CCDC60: variants seen among roughly 807,000 people sequenced by gnomAD.
CCDC60 encodes coiled-coil domain-containing protein 60.
CCDC60 carries 54 observed loss-of-function variants against 63.5 expected under a neutral mutation model. The observed-to-expected ratio is 0.85, with a 90% CI of 0.68 to 1.07. The LOEUF (loss-of-function observed/expected upper bound fraction) is 1.07, where lower values mean the gene tolerates loss of function less well. Ranked by LOEUF, CCDC60 falls within the 50% of genes least tolerant of loss-of-function variation. The probability of loss-of-function intolerance (pLI) is 0.00; values close to 1 mark genes in which losing one functional copy is unlikely to be tolerated. For synonymous variants in CCDC60, 206 were observed against 238.8 expected (o/e 0.86, Z 1.27); for missense variants, 651 against 684.3 (o/e 0.95, Z 0.54).
At chr12:119,486,591 G>T (rs1033820716) in intron 4 of CCDC60, among the ~76,000 whole-genome samples, 1 of 152,184 alleles carries the variant, frequency 6.6e-6, no homozygotes, top group Non-Finnish European at 1.5e-5. Context: ...AGGAATAGTA[G>T]GCGCTTAGTA....
chr12:119,354,550 A>G (rs1168688934), intron 1 of CCDC60, among the ~76,000 whole-genome samples: 1 of 152,172 alleles, frequency 6.6e-6, no homozygotes, highest in Admixed American at 6.5e-5. Flanking sequence ...ATAAATCGCC[A>G]TTTTCTGAAG....
intron 2 of CCDC60, among the ~76,000 whole-genome samples, chr12:119,436,968 C>T (rs1224825157): frequency 6.6e-6 from 1 of 152,134 alleles, no homozygotes; most frequent in African/African-American, 2.4e-5. Flanking sequence ...CTTATGACTC[C>T]ATTATGTACT....
intron 2 of CCDC60, among the ~76,000 whole-genome samples, chr12:119,452,864 G>A (rs550182270): frequency 6.6e-5 from 10 of 151,784 alleles, no homozygotes; most frequent in East Asian, 1.9e-4. Context: ...ACTCTGTCAC[G>A]CAGGCTGGAG....
intron 2 of CCDC60, among the ~76,000 whole-genome samples, chr12:119,452,091 T>A (rs1467448938): frequency 6.6e-6 from 1 of 152,192 alleles, no homozygotes; most frequent in Non-Finnish European, 1.5e-5. Flanking sequence ...TTTCTAGAGA[T>A]TCGTTTAGCC....
chr12:119,367,890 A>G (rs1172096449), intron 1 of CCDC60, among the ~76,000 whole-genome samples: 2 of 148,552 alleles, frequency 1.3e-5, no homozygotes, highest in Admixed American at 1.4e-4. Flanking sequence ...TAATGGGGTA[A>G]TATATAAAGG....
At chr12:119,361,536 C>G (rs901501207) in intron 1 of CCDC60, among the ~76,000 whole-genome samples, 2 of 152,110 alleles carry the variant, frequency 1.3e-5, no homozygotes, top group African/African-American at 4.8e-5. Flanking sequence ...ATAAGCTTCT[C>G]TTTCTGTAAA....
chr12:119,399,291 C>G (rs1956344384), intron 1 of CCDC60, among the ~76,000 whole-genome samples: 1 of 152,128 alleles, frequency 6.6e-6, no homozygotes, highest in Non-Finnish European at 1.5e-5. Flanking sequence ...CACCCAGGAC[C>G]CAGATGGGCA....
At chr12:119,526,463 C>T (rs527983676) in intron 11 of CCDC60, among the ~76,000 whole-genome samples, 7 of 152,222 alleles carry the variant, frequency 4.6e-5, no homozygotes, top group East Asian at 1.9e-4. Context: ...TGCTATCAAC[C>T]GAGTAAACTG....
intron 4 of CCDC60, among the ~76,000 whole-genome samples, chr12:119,482,416 GACAGTAAA>G (rs1951348654): frequency 6.6e-6 from 1 of 152,096 alleles, no homozygotes; most frequent in Non-Finnish European, 1.5e-5. Context: ...TAAAGGGCCA[GACAGTAAA>G]AATTTTAGGC....
At chr12:119,363,129 A>G (rs1426790624) in intron 1 of CCDC60, among the ~76,000 whole-genome samples, 1 of 152,174 alleles carries the variant, frequency 6.6e-6, no homozygotes, top group Non-Finnish European at 1.5e-5. Context: ...AGAAATTGGC[A>G]GGATTCCAGC....
At chr12:119,446,068 T>C (rs999273943) in intron 2 of CCDC60, among the ~76,000 whole-genome samples, 4 of 152,048 alleles carry the variant, frequency 2.6e-5, no homozygotes, top group African/African-American at 7.2e-5. Context: ...TAATAACTTA[T>C]GGAAAAATTT....
chr12:119,418,284 A>T (rs1956740744), intron 1 of CCDC60, among the ~76,000 whole-genome samples: 2 of 151,526 alleles, frequency 1.3e-5, no homozygotes, highest in Admixed American at 6.6e-5. Context: ...AGCATGTATT[A>T]CCGAAGGACA....
At chr12:119,476,443 G>T (rs1390243399) in intron 3 of CCDC60, among the ~76,000 whole-genome samples, 2 of 152,128 alleles carry the variant, frequency 1.3e-5, no homozygotes, top group African/African-American at 4.8e-5. Context: ...TGAATAAAGA[G>T]TCAGTGGAAG....
At chr12:119,359,593 C>T (rs1372983424) in intron 1 of CCDC60, among the ~76,000 whole-genome samples, 1 of 149,014 alleles carries the variant, frequency 6.7e-6, no homozygotes, top group Non-Finnish European at 1.5e-5. Context: ...GGGGATTTGG[C>T]ACGGTCATAG....
intron 2 of CCDC60, among the ~76,000 whole-genome samples, chr12:119,466,253 G>T (rs572691996): frequency 1.3e-5 from 2 of 152,206 alleles, no homozygotes; most frequent in African/African-American, 4.8e-5. Flanking sequence ...TTGGCACTTT[G>T]GGTACCATTT....
intron 2 of CCDC60, among the ~76,000 whole-genome samples, chr12:119,433,162 A>AGTGG (rs5801340): frequency 6.6e-6 from 1 of 151,652 alleles, no homozygotes; most frequent in Non-Finnish European, 1.5e-5. Flanking sequence ...CCCGACAGAG[A>AGTGG]GTTGTTAAAC....
chr12:119,525,675 A>C (rs1952660926), intron 11 of CCDC60, among the ~76,000 whole-genome samples: 1 of 152,228 alleles, frequency 6.6e-6, no homozygotes, highest in Non-Finnish European at 1.5e-5. Flanking sequence ...AAAGACTGCT[A>C]TCAGCTAATA....
chr12:119,416,213 T>G (rs1639361908), intron 1 of CCDC60, among the ~76,000 whole-genome samples: 1 of 151,958 alleles, frequency 6.6e-6, no homozygotes. Context: ...GAAACCCATC[T>G]CTACTAAAAA....
intron 1 of CCDC60, among the ~76,000 whole-genome samples, chr12:119,363,241 C>T (rs1955808821): frequency 6.6e-6 from 1 of 152,184 alleles, no homozygotes; most frequent in African/African-American, 2.4e-5. Flanking sequence ...TGTAGTGATA[C>T]CTCATCGTGC....
Sources: allele counts gnomAD v4.1 joint callset (sites outside exome capture counted in the v4.1 genomes callset), GRCh38; gene constraint gnomAD v4.1.1; transcripts MANE v1.5; gene names NCBI Gene and HGNC (gene_info 2026-07-23, HGNC 2026-07-21).